DSE: variants seen among roughly 807,000 people sequenced by gnomAD.
DSE encodes the protein dermatan-sulfate epimerase.
A neutral mutation model predicts 84.4 loss-of-function variants in DSE; 36 were observed. That is an observed-to-expected ratio of 0.43 (90% CI 0.33 to 0.56). The LOEUF (loss-of-function observed/expected upper bound fraction) is 0.56. DSE is among the 20% of genes least tolerant of loss of function. DSE has a pLI of 0.06. For missense variants in DSE, 862 were observed against 1,169.6 expected, an observed-to-expected ratio of 0.74 and a Z score of 3.84; for synonymous variants, 410 against 430.1, an observed-to-expected ratio of 0.95 and a Z score of 0.58.
At chr6:116,264,949 G>C (rs1772558006) in intron 2 of DSE, among the ~76,000 whole-genome samples, 1 of 152,074 alleles carries the variant, frequency 6.6e-6, no homozygotes, top group African/African-American at 2.4e-5. Context: ...CACTGTGTTG[G>C]GGGAACTGAG....
intron 2 of DSE, chr6:116,259,237 A>G: frequency 5.0e-6 from 3 of 604,748 alleles, no homozygotes; most frequent in Non-Finnish European, 8.7e-6. Flanking sequence ...TAATTTTTAA[A>G]ATATCTATTT....
At chr6:116,285,136 A>G (rs1268530957) in intron 2 of DSE, among the ~76,000 whole-genome samples, 3 of 152,224 alleles carry the variant, frequency 2.0e-5, no homozygotes. Flanking sequence ...AGTCCCACCA[A>G]CAGTGTAAAA....
chr6:116,428,552 G>A (rs1783599233), intron 3 of DSE, among the ~76,000 whole-genome samples: 1 of 152,146 alleles, frequency 6.6e-6, no homozygotes, highest in Non-Finnish European at 1.5e-5. Context: ...TTTATTTTCT[G>A]ATTAAAGTTA....
At chr6:116,324,963 CT>C (rs1776535408) in intron 2 of DSE, among the ~76,000 whole-genome samples, 1 of 152,178 alleles carries the variant, frequency 6.6e-6, no homozygotes, top group East Asian at 1.9e-4. Context: ...CTAATGACTC[CT>C]TTGCATAACA....
chr6:116,275,654 G>A (rs1773101282), intron 2 of DSE, among the ~76,000 whole-genome samples: 1 of 152,162 alleles, frequency 6.6e-6, no homozygotes, highest in Non-Finnish European at 1.5e-5. Flanking sequence ...CAAAAAATTA[G>A]CCGGGCGTGG....
intron 1 of DSE, among the ~76,000 whole-genome samples, chr6:116,382,037 C>CCGTGTG (rs1554220228): frequency 6.9e-6 from 1 of 144,770 alleles, no homozygotes; most frequent in East Asian, 2.1e-4. Flanking sequence ...ACATGGCATT[C>CCGTGTG]TGTGTGTGTG....
At chr6:116,287,773 T>G (rs1440466829) in intron 2 of DSE, among the ~76,000 whole-genome samples, 2 of 152,070 alleles carry the variant, frequency 1.3e-5, no homozygotes, top group Non-Finnish European at 2.9e-5. Context: ...TTACTAAAAT[T>G]CACATCTACA....
At chr6:116,279,787 G>A in intron 2 of DSE, 1 of 1,612,900 alleles carries the variant, frequency 6.2e-7, no homozygotes, top group Non-Finnish European at 8.5e-7. Flanking sequence ...GATGCTGTGG[G>A]TTTGGAGGGG....
At chr6:116,306,753 T>C (rs1271316690) in intron 2 of DSE, among the ~76,000 whole-genome samples, 2 of 152,144 alleles carry the variant, frequency 1.3e-5, no homozygotes, top group Admixed American at 1.3e-4. Context: ...AGATGGGGCC[T>C]TTGGGAGGAA....
intron 2 of DSE, among the ~76,000 whole-genome samples, chr6:116,338,219 CT>C (rs893312210): frequency 0.039 from 3,556 of 91,194 alleles, 70 homozygotes; most frequent in African/African-American, 0.13. Context: ...TTTCTTCTTT[CT>C]TTTTTTTTTT....
chr6:116,368,273 A>G (rs1779277798), upstream of DSE, among the ~76,000 whole-genome samples: 1 of 152,218 alleles, frequency 6.6e-6, no homozygotes, highest in Admixed American at 6.5e-5. Flanking sequence ...ACAAGGTAAC[A>G]TGTGGGTCCT....
chr6:116,442,676 T>C lies in DSE; in HGVS notation c.*5331T>C, dbSNP rs528259123. On this transcript the variant is annotated 3_prime_UTR_variant, in exon 6 of 6. Coordinates refer to ENST00000644252, the MANE Select transcript of DSE (RefSeq NM_013352.4). Reference sequence around the variant, plus strand: ...ACTGAAAAGGCAAGCAGGGAGGCTATTGTGCAGGACTTTGTAGGACATGCT... The same window carrying C: ...ACTGAAAAGGCAAGCAGGGAGGCTACTGTGCAGGACTTTGTAGGACATGCT... 1.3e-5 allele frequency: 2 copies of C among 152,180 alleles called. No individual in the cohort carries two copies. The highest frequency in any genetic ancestry group is 2.9e-5 in the Non-Finnish European group (2 of 68,082). The allele number at this position is 152,180 out of a possible 1,614,324, so 9.4% of individuals were successfully genotyped here.
chr6:116,268,959 A>G (rs1224936759), intron 2 of DSE, among the ~76,000 whole-genome samples: 3 of 152,120 alleles, frequency 2.0e-5, no homozygotes. Flanking sequence ...TCACTGTTAC[A>G]AAAGTAATAT....
upstream of DSE, chr6:116,367,105 A>G (rs539161207): frequency 2.9e-4 from 44 of 152,394 alleles, no homozygotes; most frequent in African/African-American, 1.0e-3. Flanking sequence ...GCGCTGAGAA[A>G]GGCAGGGAGG....
chr6:116,435,861 G>A lies in DSE; in HGVS notation c.1393G>A (p.Val465Met). Residue 465 changes from valine (V) to methionine (M), a missense_variant, in exon 6 of 6, where the codon GTG (valine) becomes ATG (methionine). This residue lies in a region of DSE where 186 missense variants were observed against 255.1 expected (regional missense o/e 0.73). Coordinates refer to ENST00000644252, the MANE Select transcript of DSE (RefSeq NM_013352.4). ...QNSFTFAPNG[V>M]PFITEALYGP... ...CTCATTTACTTTTGCTCCCAATGGT[G>A]TGCCTTTCATTACTGAGGCTCTGTA... The A allele has an allele frequency of 1.2e-6, 2 of 1,614,110 alleles. No homozygotes were observed. Among genetic ancestry groups the A allele is most frequent in the Non-Finnish European group, 1.7e-6 (2 of 1,180,020 alleles).
At chr6:116,358,246 T>C (rs546933298) in intron 2 of DSE, among the ~76,000 whole-genome samples, 1 of 152,328 alleles carries the variant, frequency 6.6e-6, no homozygotes, top group African/African-American at 2.4e-5. Context: ...TTTCTGATCA[T>C]AGAGATCTAG....
chr6:116,434,353 CT>C (rs1784027932), intron 5 of DSE, among the ~76,000 whole-genome samples: 1 of 151,572 alleles, frequency 6.6e-6, no homozygotes, highest in African/African-American at 2.4e-5. Context: ...TCTCTTTATC[CT>C]TTTTTTTCAA....
rs1317670101 is a variant in DSE, at chr6:116,440,280, C to T, written c.*2935C>T. On this transcript the variant is annotated 3_prime_UTR_variant, in exon 6 of 6. Transcript: ENST00000644252. ...TTTGAAAAGGAAAATTTACATTTGA[C>T]TTACTCAGTTTTTAAAAAATTATTT... 6.6e-6 allele frequency: 1 copy of T among 152,130 alleles called. No individual in the cohort carries two copies. Among genetic ancestry groups the T allele is most frequent in the Non-Finnish European group, 1.5e-5 (1 of 68,008 alleles). 9.4% of individuals were successfully genotyped at this position (152,130 alleles called of 1,614,324 possible). A position where few individuals can be genotyped will look rare whatever the true frequency, so the allele number is the denominator to read the frequency against.
chr6:116,260,724 A>G lies in DSE; in HGVS notation c.-54+1757A>G, dbSNP rs377393717. On this transcript the variant is annotated intron_variant, in intron 2 of 3. Coordinates refer to the DSE transcript ENST00000430252. Reference sequence around the variant, plus strand: ...ATGATTAGCCAATTATCCCAGTACCATCTATTGAATAGGGAATCCTTTCCT... The same window carrying G: ...ATGATTAGCCAATTATCCCAGTACCGTCTATTGAATAGGGAATCCTTTCCT... Among the ~76,000 whole-genome samples, 12 of 152,220 alleles carry G rather than the reference A, an allele frequency of 7.9e-5. No individual in the cohort carries two copies. In the East Asian group the frequency reaches 1.9e-3, roughly 24 times the overall value.
Sources: allele counts gnomAD v4.1 joint callset (sites outside exome capture counted in the v4.1 genomes callset), GRCh38; gene constraint gnomAD v4.1.1; regional missense constraint gnomAD v4.1.1; transcripts MANE v1.5; gene names NCBI Gene and HGNC (gene_info 2026-07-23, HGNC 2026-07-21).